Variants in MAGI1 observed in about 807,000 individuals in gnomAD.
The protein encoded by MAGI1 is membrane associated guanylate kinase, WW and PDZ domain containing 1, also known as membrane-associated guanylate kinase, WW and PDZ domain-containing protein 1.
In MAGI1, 58 loss-of-function variants were observed where a neutral mutation model predicts 139.9. The ratio of observed to expected loss-of-function variants is 0.41; its 90% CI spans 0.34 to 0.52. The LOEUF (loss-of-function observed/expected upper bound fraction) is 0.52, where lower values mean the gene tolerates loss of function less well. Among genes scored for constraint, MAGI1 ranks in the 20% least tolerant of loss-of-function variants. MAGI1 has a pLI of 0.12. For synonymous variants in MAGI1, 812 were observed against 737.9 expected (o/e 1.10, Z -1.63); for missense variants, 1,874 against 1,901.6 (o/e 0.99, Z 0.27).
intron 2 of MAGI1, among the ~76,000 whole-genome samples, chr3:65,598,575 C>T (rs537519215): frequency 1.3e-5 from 2 of 152,150 alleles, no homozygotes; most frequent in African/African-American, 2.4e-5. Flanking sequence ...AAAATAAAGA[C>T]GATGGAGTGG....
intron 1 of MAGI1, among the ~76,000 whole-genome samples, chr3:65,720,758 T>C (rs1403546537): frequency 6.6e-6 from 1 of 152,062 alleles, no homozygotes; most frequent in Non-Finnish European, 1.5e-5. Context: ...TATTTTTTTG[T>C]TTTGTTTTAG....
chr3:65,684,371 G>A (rs2087840559), intron 1 of MAGI1, among the ~76,000 whole-genome samples: 1 of 152,018 alleles, frequency 6.6e-6, no homozygotes. Context: ...TCCTTCAACA[G>A]GTAAGTGGTT....
At chr3:65,435,576 T>C (rs1252723249) in intron 10 of MAGI1, among the ~76,000 whole-genome samples, 1 of 152,132 alleles carries the variant, frequency 6.6e-6, no homozygotes, top group Non-Finnish European at 1.5e-5. Context: ...ATGCCTAGTT[T>C]GGGATTATCT....
rs569705852 is a variant in MAGI1, at chr3:65,604,390, G to C, written c.430+17582C>G. ...GATTATTTAAGAAATAGCAAATACTGCTGGAGAAAGGCAAGCAAAACAAAA... is the reference window on the plus strand; with the variant it reads ...GATTATTTAAGAAATAGCAAATACTCCTGGAGAAAGGCAAGCAAAACAAAA... On this transcript the variant is annotated intron_variant, in intron 2 of 22. Transcript: ENST00000402939. 3.1e-3 allele frequency among the ~76,000 whole-genome samples: 468 copies of C among 152,074 alleles called. 1 individual carries two copies. Among genetic ancestry groups the C allele is most frequent in the African/African-American group, 0.011 (447 of 41,532 alleles).
chr3:65,961,379 T>C (rs2064416070), intron 1 of MAGI1, among the ~76,000 whole-genome samples: 1 of 152,220 alleles, frequency 6.6e-6, no homozygotes, highest in African/African-American at 2.4e-5. Context: ...TAACTACAAC[T>C]GTTATTTTCA....
intron 14 of MAGI1, among the ~76,000 whole-genome samples, chr3:65,387,543 T>G (rs892092754): frequency 1.3e-5 from 2 of 152,216 alleles, no homozygotes; most frequent in Admixed American, 1.3e-4. Context: ...AATCATGGTT[T>G]GTCTAAAACC....
chr3:65,362,744 C>T (rs565182864), intron 21 of MAGI1, among the ~76,000 whole-genome samples: 7 of 152,246 alleles, frequency 4.6e-5, no homozygotes, highest in Non-Finnish European at 7.4e-5. Flanking sequence ...GTCTTGATTT[C>T]TTTTAATTTG....
At chr3:65,864,244 A>T (rs2059646592) in intron 1 of MAGI1, among the ~76,000 whole-genome samples, 1 of 152,230 alleles carries the variant, frequency 6.6e-6, no homozygotes, top group Non-Finnish European at 1.5e-5. Context: ...AATAACCTGT[A>T]TAACCTAAAT....
intron 2 of MAGI1, among the ~76,000 whole-genome samples, chr3:65,524,655 G>C (rs1358118096): frequency 6.6e-6 from 1 of 152,192 alleles, no homozygotes; most frequent in African/African-American, 2.4e-5. Flanking sequence ...CCTGGTGTGT[G>C]AGTCTGAAAA....
chr3:65,471,475 G>C (rs1559585308), intron 4 of MAGI1, among the ~76,000 whole-genome samples: 1 of 152,256 alleles, frequency 6.6e-6, no homozygotes, highest in East Asian at 1.9e-4. Context: ...TGACACACAT[G>C]AGAGTAAAGG....
intron 1 of MAGI1, among the ~76,000 whole-genome samples, chr3:65,751,103 A>T (rs777672793): frequency 4.6e-5 from 7 of 152,222 alleles, no homozygotes; most frequent in Non-Finnish European, 1.0e-4. Context: ...TGGCACTGGG[A>T]AACAGCTTGG....
Position 65,781,128 on chromosome 3 carries a change from G to A in MAGI1, c.314-159040C>T, listed in dbSNP as rs113547213. On this transcript the variant is annotated intron_variant, in intron 1 of 22. Transcript: ENST00000402939. Reference sequence around the variant, plus strand: ...GGAGAATTGCTGGAATCTGGGAGGCGGAGGCTGCAGAGAGCCAAGATCATG... The same window carrying A: ...GGAGAATTGCTGGAATCTGGGAGGCAGAGGCTGCAGAGAGCCAAGATCATG... Among the ~76,000 whole-genome samples, 1,216 of 152,094 alleles carry A rather than the reference G, an allele frequency of 8.0e-3. 15 individuals carry two copies. The highest frequency in any genetic ancestry group is 0.028 in the African/African-American group (1,142 of 41,460).
At chr3:65,515,998 T>C (rs923224358) in intron 2 of MAGI1, among the ~76,000 whole-genome samples, 1 of 152,148 alleles carries the variant, frequency 6.6e-6, no homozygotes, top group East Asian at 1.9e-4. Context: ...GCAGAAATTA[T>C]CAAAAACAAT....
intron 1 of MAGI1, among the ~76,000 whole-genome samples, chr3:65,885,164 C>T (rs1185838426): frequency 7.2e-5 from 11 of 152,154 alleles, no homozygotes; most frequent in South Asian, 2.1e-4. Flanking sequence ...TTTGGGAGGC[C>T]GAGGTGGGCA....
intron 9 of MAGI1, among the ~76,000 whole-genome samples, 157 bp from the exon 10 acceptor site, chr3:65,437,404 CTTTT>C (rs5849667): frequency 7.2e-6 from 1 of 138,678 alleles, no homozygotes. Flanking sequence ...CTATGAAGCT[CTTTT>C]TTTTTTTTTT....
intron 1 of MAGI1, among the ~76,000 whole-genome samples, chr3:65,940,186 G>A (rs1188041079): frequency 6.6e-6 from 1 of 152,144 alleles, no homozygotes; most frequent in Admixed American, 6.5e-5. Context: ...CTTATTCCAA[G>A]CAAAGCAGAG....
intron 1 of MAGI1, among the ~76,000 whole-genome samples, chr3:65,645,764 G>C (rs2085224961): frequency 6.6e-6 from 1 of 151,974 alleles, no homozygotes; most frequent in Non-Finnish European, 1.5e-5. Flanking sequence ...GAGACGTAAG[G>C]TTTCAGCAAT....
intron 2 of MAGI1, among the ~76,000 whole-genome samples, chr3:65,562,057 C>T (rs1476535149): frequency 6.6e-6 from 1 of 152,062 alleles, no homozygotes; most frequent in Non-Finnish European, 1.5e-5. Context: ...AGTTGTTAGT[C>T]TCTTACTGTC....
intron 1 of MAGI1, among the ~76,000 whole-genome samples, chr3:66,019,719 T>A (rs1040336140): frequency 3.3e-5 from 5 of 152,140 alleles, no homozygotes; most frequent in African/African-American, 1.2e-4. Flanking sequence ...TCGGGTCAAG[T>A]TAAAACTCAT....
Sources: allele counts gnomAD v4.1 joint callset (sites outside exome capture counted in the v4.1 genomes callset), GRCh38; gene constraint gnomAD v4.1.1; transcripts MANE v1.5; gene names NCBI Gene and HGNC (gene_info 2026-07-23, HGNC 2026-07-21).